Variants in PARD3B observed in about 807,000 individuals in gnomAD.
PARD3B encodes the protein partitioning defective 3 homolog B.
PARD3B carries 103 observed loss-of-function variants against 130.2 expected under a neutral mutation model. The ratio of observed to expected loss-of-function variants is 0.79; its 90% CI spans 0.67 to 0.93. The LOEUF (loss-of-function observed/expected upper bound fraction) is 0.93. PARD3B is among the 40% of genes least tolerant of loss of function. The pLI, the probability that PARD3B is intolerant of heterozygous loss-of-function variation, is 0.00. For synonymous variants in PARD3B, 583 were observed against 553.2 expected (o/e 1.05, Z -0.76); for missense variants, 1,609 against 1,499.2 (o/e 1.07, Z -1.21).
chr2:205,340,357 C>T (rs1414727048), intron 18 of PARD3B, among the ~76,000 whole-genome samples: 1 of 152,058 alleles, frequency 6.6e-6, no homozygotes, highest in Non-Finnish European at 1.5e-5. Flanking sequence ...AAATAGACTA[C>T]AAAGCTACCA....
intron 19 of PARD3B, among the ~76,000 whole-genome samples, chr2:205,415,905 C>T (rs1292284898): frequency 6.6e-6 from 1 of 152,058 alleles, no homozygotes; most frequent in Non-Finnish European, 1.5e-5. Flanking sequence ...ACAGATTAAA[C>T]CCGAAATATG....
intron 2 of PARD3B, among the ~76,000 whole-genome samples, chr2:204,690,879 G>C (rs965140493): frequency 6.6e-6 from 1 of 152,132 alleles, no homozygotes; most frequent in Non-Finnish European, 1.5e-5. Flanking sequence ...TTGTACTTCA[G>C]ATGGGTTCCT....
intron 19 of PARD3B, among the ~76,000 whole-genome samples, chr2:205,411,617 C>A (rs1403550898): frequency 6.6e-6 from 1 of 152,124 alleles, no homozygotes; most frequent in East Asian, 1.9e-4. Context: ...CATACAGTAG[C>A]CTTTGGGAGC....
intron 15 of PARD3B, among the ~76,000 whole-genome samples, chr2:205,231,897 C>T (rs998487772): frequency 6.6e-6 from 1 of 152,134 alleles, no homozygotes; most frequent in Non-Finnish European, 1.5e-5. Flanking sequence ...ACTACCAAGG[C>T]TAGGCCAAAA....
intron 2 of PARD3B, among the ~76,000 whole-genome samples, chr2:204,797,592 G>T (rs1201083952): frequency 2.0e-5 from 3 of 152,120 alleles, no homozygotes; most frequent in Non-Finnish European, 4.4e-5. Context: ...ATTAAAAATT[G>T]TTTGGGCAAT....
At position 205,015,596 on chromosome 2, in the gene PARD3B, A is replaced by G. The variant is rs777612838; in HGVS notation, c.395-31985A>G. On this transcript the variant is annotated intron_variant, in intron 3 of 22. Transcript: ENST00000406610. The surrounding 1 kb of genome is among the most constrained non-coding windows in gnomAD (Gnocchi z 4.5). ...TTGAGTGAGTGAACTAATGAAATGA[A>G]TGAATCAATGAATGAGTAAATTGGA... Among the ~76,000 whole-genome samples the G allele has an allele frequency of 7.2e-5, 11 of 152,222 alleles. No homozygotes were observed. Among genetic ancestry groups the G allele is most frequent in the Non-Finnish European group, 1.6e-4 (11 of 68,040 alleles).
At chr2:205,332,533 C>T (rs1195217511) in intron 18 of PARD3B, among the ~76,000 whole-genome samples, 2 of 152,030 alleles carry the variant, frequency 1.3e-5, no homozygotes, top group Non-Finnish European at 2.9e-5. Context: ...TAAGGAGAAA[C>T]CAAAGAAAAT....
intron 4 of PARD3B, among the ~76,000 whole-genome samples, chr2:205,069,626 A>G (rs1275487520): frequency 1.3e-5 from 2 of 152,054 alleles, no homozygotes; most frequent in East Asian, 3.9e-4. Context: ...CTGTGATACA[A>G]CAAGCAGAAT....
At chr2:205,606,664 T>C (rs149035602) in intron 22 of PARD3B, among the ~76,000 whole-genome samples, 29 of 152,346 alleles carry the variant, frequency 1.9e-4, no homozygotes, top group Non-Finnish European at 1.5e-4. Context: ...AACCTTCTGC[T>C]TCTTACTTGC....
chr2:204,782,832 A>AT, intron 2 of PARD3B, among the ~76,000 whole-genome samples: 2 of 152,002 alleles, frequency 1.3e-5, no homozygotes, highest in Middle Eastern at 6.8e-3. Context: ...CAGTGTTTTA[A>AT]TTTTTTATTT....
intron 2 of PARD3B, among the ~76,000 whole-genome samples, chr2:204,759,438 A>G (rs1176364638): frequency 6.6e-6 from 1 of 152,134 alleles, no homozygotes; most frequent in African/African-American, 2.4e-5. Flanking sequence ...CATAATATAC[A>G]TATTTAAAAA....
chr2:204,644,910 G>T lies in PARD3B; in HGVS notation c.121-41271G>T, dbSNP rs113247494. ...AAGTATGAAAAACCTTTTAAATATT[G>T]GGAACCAGTAAATTTTTTTTTTTGT... On this transcript the variant is annotated intron_variant, in intron 1 of 22. Coordinates refer to ENST00000406610, the MANE Select transcript of PARD3B (RefSeq NM_001302769.2). 8.3e-3 allele frequency among the ~76,000 whole-genome samples: 1,255 copies of T among 152,104 alleles called. 25 individuals are homozygous for T. Among genetic ancestry groups the T allele is most frequent in the African/African-American group, 0.029 (1,183 of 41,464 alleles).
intron 2 of PARD3B, among the ~76,000 whole-genome samples, chr2:204,894,233 G>A (rs1356092711): frequency 6.6e-6 from 1 of 152,048 alleles, no homozygotes; most frequent in Non-Finnish European, 1.5e-5. Context: ...TGCAAAGAAT[G>A]TGTGTATTCT....
At chr2:204,848,315 T>C (rs2044551664) in intron 2 of PARD3B, among the ~76,000 whole-genome samples, 1 of 152,168 alleles carries the variant, frequency 6.6e-6, no homozygotes, top group Admixed American at 6.6e-5. Flanking sequence ...TTTAAGTTTA[T>C]TCAGTTCTGT....
intron 4 of PARD3B, among the ~76,000 whole-genome samples, chr2:205,102,447 C>T (rs1467394224): frequency 6.6e-6 from 1 of 151,426 alleles, no homozygotes; most frequent in African/African-American, 2.4e-5. Context: ...TTTTGTAACC[C>T]GCCCAACCCT....
chr2:204,662,655 T>C (rs1293719538), intron 1 of PARD3B, among the ~76,000 whole-genome samples: 1 of 152,216 alleles, frequency 6.6e-6, no homozygotes, highest in African/African-American at 2.4e-5. Flanking sequence ...ACATTTATAA[T>C]TGTTATTGCT....
intron 4 of PARD3B, among the ~76,000 whole-genome samples, chr2:205,096,941 T>C (rs1333825433): frequency 1.3e-5 from 2 of 152,194 alleles, no homozygotes; most frequent in Non-Finnish European, 2.9e-5. Flanking sequence ...CTTACCCTGT[T>C]TGCCTGAAAT....
intron 2 of PARD3B, among the ~76,000 whole-genome samples, chr2:204,920,799 C>T (rs1395710835): frequency 3.9e-5 from 6 of 152,174 alleles, no homozygotes; most frequent in African/African-American, 1.4e-4. Context: ...GACTGCCCTG[C>T]TCCTTTCTTC....
chr2:205,490,261 C>G (rs981064636), intron 20 of PARD3B, among the ~76,000 whole-genome samples: 4 of 151,888 alleles, frequency 2.6e-5, no homozygotes, highest in South Asian at 2.1e-4. Flanking sequence ...TATCCCTCCC[C>G]ACTCCCCCCA....
Sources: allele counts gnomAD v4.1 joint callset (sites outside exome capture counted in the v4.1 genomes callset), GRCh38; gene constraint gnomAD v4.1.1; non-coding constraint Gnocchi (gnomAD v3.1); transcripts MANE v1.5; gene names NCBI Gene and HGNC (gene_info 2026-07-23, HGNC 2026-07-21).